Variants in VAV3 observed in about 807,000 individuals in gnomAD.
VAV3 encodes guanine nucleotide exchange factor VAV3.
A neutral mutation model predicts 131.2 loss-of-function variants in VAV3; 94 were observed. The observed-to-expected ratio is 0.72, with a 90% confidence interval of 0.61 to 0.85. The LOEUF (loss-of-function observed/expected upper bound fraction) is 0.85, where lower values mean the gene tolerates loss of function less well. Ranked by LOEUF, VAV3 falls within the 40% of genes least tolerant of loss-of-function variation. VAV3 has a pLI of 0.00. For missense variants in VAV3, 939 were observed against 1,002.7 expected, an observed-to-expected ratio of 0.94 and a Z score of 0.86; for synonymous variants, 349 against 342.0, an observed-to-expected ratio of 1.02 and a Z score of -0.22.
intron 2 of VAV3, among the ~76,000 whole-genome samples, chr1:107,860,899 T>G (rs1354449375): frequency 1.3e-5 from 2 of 151,598 alleles, no homozygotes; most frequent in African/African-American, 4.8e-5. Context: ...AAGAAAAGAC[T>G]TACAGAAACA....
chr1:107,642,833 C>A, intron 19 of VAV3, 78 bp from the exon 20 acceptor site: 2 of 1,575,562 alleles, frequency 1.3e-6, no homozygotes, highest in South Asian at 1.2e-5. Flanking sequence ...CAAAAAATGT[C>A]ATTATTAACA....
chr1:107,851,412 A>G (rs1669227059), intron 2 of VAV3, among the ~76,000 whole-genome samples: 1 of 151,892 alleles, frequency 6.6e-6, no homozygotes, highest in African/African-American at 2.4e-5. Flanking sequence ...AAAAAAAAAA[A>G]AAGCAAATTT....
chr1:107,819,808 C>T (rs548175239), intron 2 of VAV3, among the ~76,000 whole-genome samples: 75 of 152,106 alleles, frequency 4.9e-4, no homozygotes, highest in African/African-American at 1.2e-3. Flanking sequence ...ATAACAACTG[C>T]TTTTTTCTTT....
chr1:107,872,549 C>T (rs1310792547), intron 2 of VAV3, among the ~76,000 whole-genome samples: 1 of 152,156 alleles, frequency 6.6e-6, no homozygotes, highest in Admixed American at 6.6e-5. Flanking sequence ...TCTGAATTAA[C>T]ACTATTCACA....
intron 12 of VAV3, among the ~76,000 whole-genome samples, chr1:107,753,617 T>C (rs1663920330): frequency 6.7e-6 from 1 of 150,222 alleles, no homozygotes; most frequent in Admixed American, 6.7e-5. Flanking sequence ...TGCAGTGCAG[T>C]GGCATGATCT....
At chr1:107,854,356 C>T (rs186558780) in intron 2 of VAV3, among the ~76,000 whole-genome samples, 79 of 151,658 alleles carry the variant, frequency 5.2e-4, no homozygotes, top group Middle Eastern at 6.8e-3. Flanking sequence ...AGACATAAGC[C>T]GACACCACCC....
chr1:107,586,220 C>T (rs1650481049), intron 25 of VAV3, among the ~76,000 whole-genome samples: 2 of 151,350 alleles, frequency 1.3e-5, no homozygotes. Context: ...CCATTAGCTA[C>T]CTTCCCTACT....
At chr1:107,902,741 A>G (rs1671922765) in intron 1 of VAV3, among the ~76,000 whole-genome samples, 1 of 152,188 alleles carries the variant, frequency 6.6e-6, no homozygotes, top group East Asian at 1.9e-4. Context: ...AGAGAGGGGA[A>G]GGAGAGCGAA....
chr1:107,926,624 T>A (rs1220421670), intron 1 of VAV3, among the ~76,000 whole-genome samples: 1 of 152,116 alleles, frequency 6.6e-6, no homozygotes, highest in Non-Finnish European at 1.5e-5. Context: ...AGAGAATCTG[T>A]GCACATGGTA....
At chr1:107,629,541 C>T (rs1654290043) in intron 20 of VAV3, among the ~76,000 whole-genome samples, 1 of 152,048 alleles carries the variant, frequency 6.6e-6, no homozygotes. Flanking sequence ...AGAAAACGTG[C>T]CCCAAATGGC....
chr1:107,860,806 G>A lies in VAV3; in HGVS notation c.321+14095C>T, dbSNP rs564709726. On this transcript the variant is annotated intron_variant, in intron 2 of 26. Coordinates refer to ENST00000370056, the MANE Select transcript of VAV3 (RefSeq NM_006113.5). ...GGCTACTCAGGAGGCTGAGGCACAA[G>A]GACTGCTTGTGCCCAGGACTTTGAG... is the stretch of plus-strand genomic sequence containing the variant. 1.5e-3 allele frequency among the ~76,000 whole-genome samples: 229 copies of A among 151,718 alleles called. 1 individual carries two copies. Among genetic ancestry groups the A allele is most frequent in the African/African-American group, 5.4e-3 (225 of 41,508 alleles).
chr1:107,797,347 T>A (rs186149277), intron 2 of VAV3, among the ~76,000 whole-genome samples: 2 of 152,350 alleles, frequency 1.3e-5, no homozygotes. Flanking sequence ...AAATATTTAT[T>A]GAGTATCTGC....
intron 4 of VAV3, among the ~76,000 whole-genome samples, chr1:107,774,905 T>C (rs1473285994): frequency 8.9e-6 from 1 of 111,752 alleles, no homozygotes; most frequent in Non-Finnish European, 2.0e-5. Context: ...CTAGGGATAA[T>C]ACATTTGCTT....
intron 18 of VAV3, among the ~76,000 whole-genome samples, chr1:107,687,581 A>G (rs1659123952): frequency 1.3e-5 from 2 of 152,170 alleles, no homozygotes; most frequent in Admixed American, 6.6e-5. Context: ...CAGTCAGGTA[A>G]GAAATCTGTT....
At chr1:107,833,291 C>T (rs1668333949) in intron 2 of VAV3, among the ~76,000 whole-genome samples, 2 of 152,078 alleles carry the variant, frequency 1.3e-5, no homozygotes, top group Admixed American at 6.6e-5. Flanking sequence ...AGATCAGCCA[C>T]AACATTCCCT....
chr1:107,788,549 C>T (rs1321723300), intron 2 of VAV3, among the ~76,000 whole-genome samples: 1 of 152,152 alleles, frequency 6.6e-6, no homozygotes, highest in Non-Finnish European at 1.5e-5. Flanking sequence ...CTGGGACCAG[C>T]AATACTAATT....
chr1:107,933,446 T>C (rs1243423571), intron 1 of VAV3, among the ~76,000 whole-genome samples: 1 of 152,154 alleles, frequency 6.6e-6, no homozygotes, highest in East Asian at 1.9e-4. Context: ...ATTAATTAGC[T>C]CACTTCAAGG....
chr1:107,597,117 C>T (rs776396222), intron 24 of VAV3, among the ~76,000 whole-genome samples: 1 of 151,370 alleles, frequency 6.6e-6, no homozygotes, highest in East Asian at 1.9e-4. Context: ...CAAATGAGTC[C>T]TGTAGATATA....
At chr1:107,815,469 AT>A (rs1273275294) in intron 2 of VAV3, among the ~76,000 whole-genome samples, 3 of 152,142 alleles carry the variant, frequency 2.0e-5, no homozygotes, top group Non-Finnish European at 4.4e-5. Context: ...CAATGATGTG[AT>A]TTTACGCACT....
Sources: allele counts gnomAD v4.1 joint callset (sites outside exome capture counted in the v4.1 genomes callset), GRCh38; gene constraint gnomAD v4.1.1; transcripts MANE v1.5; gene names NCBI Gene and HGNC (gene_info 2026-07-23, HGNC 2026-07-21).